ZFPM2: variants seen among roughly 807,000 people sequenced by gnomAD.
ZFPM2 encodes zinc finger protein, FOG family member 2.
ZFPM2 carries 20 observed loss-of-function variants against 98.6 expected under a neutral mutation model. The observed-to-expected ratio is 0.20, with a 90% confidence interval of 0.14 to 0.29. ZFPM2 has a LOEUF of 0.29. ZFPM2 is among the 10% of genes least tolerant of loss of function. The pLI is 1.00. For synonymous variants in ZFPM2, 518 were observed against 502.7 expected, an observed-to-expected ratio of 1.03 and a Z score of -0.41; for missense variants, 1,310 against 1,388.6, an observed-to-expected ratio of 0.94 and a Z score of 0.90.
chr8:105,579,340 A>G (rs1361464960), intron 4 of ZFPM2, among the ~76,000 whole-genome samples: 1 of 152,212 alleles, frequency 6.6e-6, no homozygotes, highest in African/African-American at 2.4e-5. Context: ...GATTTTTAAA[A>G]AGAACTTACT....
At chr8:105,716,250 A>G (rs1811521154) in intron 5 of ZFPM2, among the ~76,000 whole-genome samples, 1 of 150,624 alleles carries the variant, frequency 6.6e-6, no homozygotes, top group African/African-American at 2.4e-5. Context: ...TTTTATCCAT[A>G]TAAAATTTTA....
At chr8:105,704,447 C>T (rs1484052130) in intron 5 of ZFPM2, among the ~76,000 whole-genome samples, 1 of 152,090 alleles carries the variant, frequency 6.6e-6, no homozygotes, top group Non-Finnish European at 1.5e-5. Flanking sequence ...TCTCTCTGTG[C>T]TTGAAAGATG....
intron 2 of ZFPM2, among the ~76,000 whole-genome samples, chr8:105,433,584 G>A (rs1483901547): frequency 3.3e-5 from 5 of 152,096 alleles, no homozygotes; most frequent in South Asian, 2.1e-4. Context: ...TCAGGAGATC[G>A]AGACCATCCT....
chr8:105,516,100 A>C (rs976114546), intron 3 of ZFPM2, among the ~76,000 whole-genome samples: 6 of 151,662 alleles, frequency 4.0e-5, no homozygotes, highest in South Asian at 2.1e-4. Context: ...TAATTTTTGT[A>C]TTTTTACTAG....
intron 3 of ZFPM2, among the ~76,000 whole-genome samples, chr8:105,502,476 C>T (rs1813615383): frequency 6.6e-6 from 1 of 151,678 alleles, no homozygotes; most frequent in African/African-American, 2.4e-5. Context: ...GTGGCTATCC[C>T]TAAAAAAGAA....
chr8:105,561,229 T>C (rs1199504082), intron 3 of ZFPM2, 134 bp from the exon 4 acceptor site: 27 of 715,266 alleles, frequency 3.8e-5, no homozygotes, highest in Non-Finnish European at 5.5e-5. Flanking sequence ...TGAGTTGTTT[T>C]TCAGACAAGC....
At chr8:105,355,780 TA>T (rs958829487) in intron 1 of ZFPM2, among the ~76,000 whole-genome samples, 1 of 152,080 alleles carries the variant, frequency 6.6e-6, no homozygotes, top group Non-Finnish European at 1.5e-5. Flanking sequence ...GATTCCTAAA[TA>T]AAAAAAACTA....
At chr8:105,424,203 A>G (rs181035828) in intron 2 of ZFPM2, among the ~76,000 whole-genome samples, 1 of 152,348 alleles carries the variant, frequency 6.6e-6, no homozygotes, top group East Asian at 1.9e-4. Context: ...ACTTTGAATT[A>G]TCTACAATGA....
intron 1 of ZFPM2, among the ~76,000 whole-genome samples, chr8:105,392,928 A>C (rs895994399): frequency 6.6e-6 from 1 of 152,166 alleles, no homozygotes; most frequent in Non-Finnish European, 1.5e-5. Flanking sequence ...TTCTATTTGA[A>C]GCTTTAACAC....
At chr8:105,517,741 A>ACACACACACACACACACACC (rs1479862745) in intron 3 of ZFPM2, among the ~76,000 whole-genome samples, 2 of 141,388 alleles carry the variant, frequency 1.4e-5, no homozygotes, top group African/African-American at 5.1e-5. Context: ...ACACACACAC[A>ACACACACACACACACACACC]CCCCTAGTTG....
At chr8:105,780,074 A>C (rs922310992) in intron 5 of ZFPM2, among the ~76,000 whole-genome samples, 1 of 152,218 alleles carries the variant, frequency 6.6e-6, no homozygotes, top group Admixed American at 6.5e-5. Context: ...AAGAATGTCA[A>C]GGTCTTAGTA....
chr8:105,795,668 T>TTAAG, intron 6 of ZFPM2: 1 of 337,288 alleles, frequency 3.0e-6, no homozygotes, highest in South Asian at 2.5e-5. Flanking sequence ...TGGAGAATTT[T>TTAAG]TAAGTACACC....
intron 5 of ZFPM2, among the ~76,000 whole-genome samples, chr8:105,636,421 T>C (rs552532100): frequency 1.3e-5 from 2 of 152,296 alleles, no homozygotes; most frequent in East Asian, 3.9e-4. Context: ...CCACCATTTA[T>C]TGGGCACACC....
intron 5 of ZFPM2, among the ~76,000 whole-genome samples, chr8:105,688,387 T>G (rs1810793271): frequency 6.6e-6 from 1 of 152,088 alleles, no homozygotes; most frequent in Admixed American, 6.5e-5. Flanking sequence ...TTGAGTAGTT[T>G]TATAAATCAG....
intron 5 of ZFPM2, among the ~76,000 whole-genome samples, chr8:105,763,625 G>A (rs575044883): frequency 1.3e-5 from 2 of 151,922 alleles, no homozygotes; most frequent in East Asian, 3.9e-4. Context: ...CAATACACAG[G>A]ATAATCCCCA....
intron 6 of ZFPM2, among the ~76,000 whole-genome samples, chr8:105,795,605 G>C (rs2131159276): frequency 7.3e-6 from 1 of 137,842 alleles, no homozygotes; most frequent in South Asian, 2.2e-4. Flanking sequence ...AATGCAAAAA[G>C]GTTAAAAAAA....
rs186753590 is a variant in ZFPM2 at position 105,617,653 on chromosome 8, C to T, written c.421-16593C>T. 3.3e-5 allele frequency among the ~76,000 whole-genome samples: 5 copies of T among 152,240 alleles called. No individual in the cohort carries two copies. The East Asian group carries it at 9.7e-4, about 29-fold the overall frequency. On this transcript the variant is annotated intron_variant, in intron 4 of 7. Transcript: ENST00000407775. ...GTGGTGAGGCTGTGTTATGGTGAGGCTGTACTATGTCTGTTGACCATGGTG... is the reference window on the plus strand; with the variant it reads ...GTGGTGAGGCTGTGTTATGGTGAGGTTGTACTATGTCTGTTGACCATGGTG...
chr8:105,522,590 T>G (rs1383584360), intron 3 of ZFPM2, among the ~76,000 whole-genome samples: 1 of 152,006 alleles, frequency 6.6e-6, no homozygotes, highest in African/African-American at 2.4e-5. Context: ...GCCAACCTAG[T>G]GAAACCCTGT....
At chr8:105,755,348 C>CT (rs1812573937) in intron 5 of ZFPM2, among the ~76,000 whole-genome samples, 1 of 152,034 alleles carries the variant, frequency 6.6e-6, no homozygotes, top group Admixed American at 6.6e-5. Flanking sequence ...TTATTGGTCT[C>CT]TTTTTTCTGT....
Sources: allele counts gnomAD v4.1 joint callset (sites outside exome capture counted in the v4.1 genomes callset), GRCh38; gene constraint gnomAD v4.1.1; transcripts MANE v1.5; gene names NCBI Gene and HGNC (gene_info 2026-07-23, HGNC 2026-07-21).